SH3GL3: variants seen among roughly 807,000 people sequenced by gnomAD.
SH3GL3 encodes endophilin-A3.
Under a neutral mutation model 47.7 loss-of-function variants are expected in SH3GL3, and 33 were observed. The ratio of observed to expected loss-of-function variants is 0.69; its 90% CI spans 0.52 to 0.92. The LOEUF (loss-of-function observed/expected upper bound fraction) is 0.92, where lower values mean the gene tolerates loss of function less well. Among genes scored for constraint, SH3GL3 ranks in the 40% least tolerant of loss-of-function variants. The pLI is 0.00. For synonymous variants in SH3GL3, 155 were observed against 148.8 expected (o/e 1.04, Z -0.30); for missense variants, 363 against 417.8 (o/e 0.87, Z 1.14).
At chr15:83,550,801 T>G (rs1214835824) in intron 1 of SH3GL3, among the ~76,000 whole-genome samples, 1 of 152,224 alleles carries the variant, frequency 6.6e-6, no homozygotes. Context: ...TGTTTTTGTT[T>G]GTTTGTTTGT....
intron 3 of SH3GL3, 43 bp downstream of exon 3, chr15:83,565,249 C>CTAATA: frequency 9.6e-7 from 1 of 1,038,992 alleles, no homozygotes; most frequent in Non-Finnish European, 1.5e-6. Context: ...GTCACAGACT[C>CTAATA]TAATAACCCA....
At chr15:83,535,445 T>G (rs2043861998) in intron 1 of SH3GL3, among the ~76,000 whole-genome samples, 1 of 152,192 alleles carries the variant, frequency 6.6e-6, no homozygotes, top group Non-Finnish European at 1.5e-5. Context: ...TACTCGACAT[T>G]GTCCTTATCA....
chr15:83,506,683 T>G (rs2042518849), intron 1 of SH3GL3, among the ~76,000 whole-genome samples: 1 of 152,218 alleles, frequency 6.6e-6, no homozygotes. Context: ...CATTTACTTT[T>G]GAATCTTTTT....
At chr15:83,529,036 A>G (rs927909901) in intron 1 of SH3GL3, among the ~76,000 whole-genome samples, 8 of 151,838 alleles carry the variant, frequency 5.3e-5, no homozygotes, top group African/African-American at 1.9e-4. Flanking sequence ...GGGTGCAGGC[A>G]TTGGTGTAGT....
intron 8 of SH3GL3, among the ~76,000 whole-genome samples, chr15:83,591,256 C>T (rs889439709): frequency 6.6e-6 from 1 of 152,180 alleles, no homozygotes. Flanking sequence ...GATCTGGCTG[C>T]CTCAGCCTCC....
chr15:83,480,294 T>G (rs1265971372), intron 1 of SH3GL3, among the ~76,000 whole-genome samples: 1 of 152,228 alleles, frequency 6.6e-6, no homozygotes, highest in African/African-American at 2.4e-5. Context: ...TAATAAATAA[T>G]GGCAAAACTC....
At chr15:83,548,400 A>G (rs573188075) in intron 1 of SH3GL3, among the ~76,000 whole-genome samples, 10 of 150,014 alleles carry the variant, frequency 6.7e-5, no homozygotes, top group South Asian at 2.1e-4. Flanking sequence ...ATTCACATAT[A>G]TTACATAAAT....
At chr15:83,493,719 T>C (rs771455077) in intron 1 of SH3GL3, among the ~76,000 whole-genome samples, 1 of 150,912 alleles carries the variant, frequency 6.6e-6, no homozygotes, top group Non-Finnish European at 1.5e-5. Flanking sequence ...TAACCCGCCA[T>C]GCAATCATAA....
intron 8 of SH3GL3, among the ~76,000 whole-genome samples, chr15:83,592,106 T>G (rs2060123082): frequency 6.6e-6 from 1 of 152,234 alleles, no homozygotes; most frequent in African/African-American, 2.4e-5. Flanking sequence ...CATATTTATT[T>G]GGTACTTAAC....
At chr15:83,485,140 C>G (rs1013005792) in intron 1 of SH3GL3, among the ~76,000 whole-genome samples, 9 of 152,184 alleles carry the variant, frequency 5.9e-5, no homozygotes, top group African/African-American at 2.2e-4. Flanking sequence ...CAGTGAATCT[C>G]TTTCCATTAA....
At chr15:83,490,900 C>G (rs1459136991) in intron 1 of SH3GL3, 1 of 1,613,928 alleles carries the variant, frequency 6.2e-7, no homozygotes, top group East Asian at 2.2e-5. Context: ...GACCTCCCAA[C>G]AGGTAATAAA....
chr15:83,534,210 A>G (rs1008925170), intron 1 of SH3GL3, among the ~76,000 whole-genome samples: 2 of 152,124 alleles, frequency 1.3e-5, no homozygotes, highest in Admixed American at 6.5e-5. Flanking sequence ...GTTTTCTGCC[A>G]TGGGATTTAC....
chr15:83,576,877 C>A, intron 6 of SH3GL3, 136 bp downstream of exon 6: 2 of 384,708 alleles, frequency 5.2e-6, no homozygotes, highest in Non-Finnish European at 9.5e-6. Context: ...ACATAAAATA[C>A]ACTAATACTA....
rs143543814 is a variant in SH3GL3, at chr15:83,529,497, C to G, written c.46-29756C>G. Among the ~76,000 whole-genome samples, 1,129 of 152,086 alleles carry G rather than the reference C, an allele frequency of 7.4e-3. 12 individuals carry two copies. The highest frequency in any genetic ancestry group is 0.026 in the African/African-American group (1,066 of 41,506). On this transcript the variant is annotated intron_variant, in intron 1 of 8. Coordinates refer to ENST00000427482, the MANE Select transcript of SH3GL3 (RefSeq NM_003027.5). The stretch of plus-strand genomic sequence containing the variant: ...TCAGGTCCCCAGGAGTACAAAGATA[C>G]CAGTGGTGGTGGACTGGGTAGAGTG...
intron 1 of SH3GL3, among the ~76,000 whole-genome samples, chr15:83,515,364 G>A (rs2042937605): frequency 6.6e-6 from 1 of 152,196 alleles, no homozygotes; most frequent in Non-Finnish European, 1.5e-5. Flanking sequence ...TTGATCACAT[G>A]TATGACAAAT....
intron 1 of SH3GL3, among the ~76,000 whole-genome samples, chr15:83,467,859 T>C (rs933332028): frequency 1.3e-5 from 2 of 152,142 alleles, no homozygotes; most frequent in African/African-American, 4.8e-5. Context: ...ACGGAGTCTC[T>C]CTCTGTCACC....
chr15:83,599,292 C>G (rs1368403930), intron 8 of SH3GL3, among the ~76,000 whole-genome samples: 2 of 152,096 alleles, frequency 1.3e-5, no homozygotes, highest in Non-Finnish European at 2.9e-5. Flanking sequence ...TTTCAGTGCA[C>G]CCATCAGCCG....
chr15:83,565,655 G>C (rs2045498416), intron 3 of SH3GL3: 1 of 152,500 alleles, frequency 6.6e-6, no homozygotes, highest in Admixed American at 6.5e-5. Context: ...AATACGAAAG[G>C]CTGCTTAAAT....
intron 1 of SH3GL3, among the ~76,000 whole-genome samples, chr15:83,501,922 G>A (rs1249091738): frequency 2.0e-5 from 3 of 152,096 alleles, no homozygotes; most frequent in East Asian, 3.8e-4. Flanking sequence ...AGACTTACTG[G>A]CTTCTTTTTA....
Sources: gnomAD v4.1 joint callset for allele counts (sites outside exome capture counted in the v4.1 genomes callset) on GRCh38, gnomAD v4.1.1 for gene constraint, MANE v1.5 for transcripts, NCBI Gene and HGNC (gene_info 2026-07-23, HGNC 2026-07-21) for gene names.